Variants in ABTB3 observed in about 807,000 individuals in gnomAD.
ABTB3 encodes the protein ankyrin repeat- and BTB/POZ domain-containing protein 3.
At chr12:107,412,190 A>T in the ABTB3 span, among the ~76,000 whole-genome samples, 1 of 152,170 alleles carries the variant, frequency 6.6e-6, no homozygotes, top group East Asian at 1.9e-4. Flanking sequence ...GACTGTGCTA[A>T]TACTGTCTAT....
At chr12:107,657,790 G>C in the ABTB3 span, 4,472 of 1,516,264 alleles carry the variant, frequency 2.9e-3, 75 homozygotes, top group East Asian at 0.024. Context: ...CACAAACACA[G>C]ACAAATTCCA....
chr12:107,526,840 A>G, the ABTB3 span, among the ~76,000 whole-genome samples: 1 of 152,144 alleles, frequency 6.6e-6, no homozygotes, highest in African/African-American at 2.4e-5. Context: ...TTGCTTGGAC[A>G]AAGTTGTCTT....
chr12:107,620,295 T>A, the ABTB3 span: 1 of 1,233,432 alleles, frequency 8.1e-7, no homozygotes, highest in Admixed American at 2.6e-5. Flanking sequence ...CAGTGGCGAA[T>A]GTAGCCCAGC....
the ABTB3 span, among the ~76,000 whole-genome samples, chr12:107,576,639 G>A: frequency 1.3e-5 from 2 of 152,138 alleles, no homozygotes; most frequent in Non-Finnish European, 2.9e-5. Flanking sequence ...AGGAATTTGG[G>A]GGAACACGGT....
At chr12:107,427,227 C>T in the ABTB3 span, among the ~76,000 whole-genome samples, 1 of 152,086 alleles carries the variant, frequency 6.6e-6, no homozygotes, top group East Asian at 1.9e-4. Context: ...CCACTCCATT[C>T]TCTTCTTCCA....
At chr12:107,467,754 A>G in the ABTB3 span, among the ~76,000 whole-genome samples, 1 of 152,208 alleles carries the variant, frequency 6.6e-6, no homozygotes, top group Non-Finnish European at 1.5e-5. Context: ...TGTCAGAGAC[A>G]GGGACTTTAG....
the ABTB3 span, among the ~76,000 whole-genome samples, chr12:107,597,682 C>A: frequency 2.2e-4 from 33 of 152,324 alleles, no homozygotes; most frequent in East Asian, 6.4e-3. Context: ...TGGCCAGCTG[C>A]CATAACAGAG....
chr12:107,358,676 C>A, the ABTB3 span, among the ~76,000 whole-genome samples: 20 of 152,234 alleles, frequency 1.3e-4, no homozygotes, highest in East Asian at 3.5e-3. Flanking sequence ...CTCACCACAA[C>A]CTCCGCCTCC....
chr12:107,449,403 T>C, the ABTB3 span, among the ~76,000 whole-genome samples: 1 of 152,200 alleles, frequency 6.6e-6, no homozygotes, highest in South Asian at 2.1e-4. Flanking sequence ...TGTCCCAAAA[T>C]GTAGAACTCT....
chr12:107,357,627 T>A, the ABTB3 span, among the ~76,000 whole-genome samples: 1 of 152,036 alleles, frequency 6.6e-6, no homozygotes, highest in Non-Finnish European at 1.5e-5. Flanking sequence ...AATAAAAAAT[T>A]AAAAAATAAA....
the ABTB3 span, among the ~76,000 whole-genome samples, chr12:107,644,875 A>C: frequency 1.3e-5 from 2 of 151,932 alleles, no homozygotes; most frequent in Admixed American, 1.3e-4. Flanking sequence ...GCATAAGTTC[A>C]GGTCTCCAGC....
chr12:107,338,035 T>G, the ABTB3 span, among the ~76,000 whole-genome samples: 1 of 152,228 alleles, frequency 6.6e-6, no homozygotes, highest in Non-Finnish European at 1.5e-5. Context: ...CTAACCTGGT[T>G]TTGTTGTTGG....
chr12:107,557,539 TC>T, the ABTB3 span, among the ~76,000 whole-genome samples: 1 of 152,262 alleles, frequency 6.6e-6, no homozygotes, highest in African/African-American at 2.4e-5. Flanking sequence ...TTAATTTTTT[TC>T]ATGGTTGATT....
chr12:107,432,225 G>A, the ABTB3 span, among the ~76,000 whole-genome samples: 2 of 152,164 alleles, frequency 1.3e-5, no homozygotes, highest in East Asian at 1.9e-4. Context: ...AGGTGATACT[G>A]ACAGTGGAAA....
chr12:107,326,376 G>T, the ABTB3 span, among the ~76,000 whole-genome samples: 1 of 152,016 alleles, frequency 6.6e-6, no homozygotes, highest in Non-Finnish European at 1.5e-5. Flanking sequence ...TATCTTCTAC[G>T]TGTGGCCTTC....
chr12:107,520,515 T>C, the ABTB3 span: 1 of 1,614,144 alleles, frequency 6.2e-7, no homozygotes, highest in African/African-American at 1.3e-5. Context: ...ACAGCCTGAA[T>C]CTTCACAGAG....
At chr12:107,457,531 T>C in the ABTB3 span, among the ~76,000 whole-genome samples, 19 of 152,226 alleles carry the variant, frequency 1.2e-4, no homozygotes, top group Non-Finnish European at 2.4e-4. Flanking sequence ...TTTAATCAAC[T>C]AATGGATGGG....
At chr12:107,533,028 G>A in the ABTB3 span, among the ~76,000 whole-genome samples, 34 of 152,082 alleles carry the variant, frequency 2.2e-4, no homozygotes, top group Non-Finnish European at 4.6e-4. Context: ...ATGCTTAAGG[G>A]AGCCCTACAT....
At chr12:107,638,616 G>T in the ABTB3 span, among the ~76,000 whole-genome samples, 23 of 152,218 alleles carry the variant, frequency 1.5e-4, no homozygotes, top group Non-Finnish European at 2.9e-4. Flanking sequence ...CAGGAGTCAA[G>T]GCGTTCTTTC....
Sources: allele counts gnomAD v4.1 joint callset (sites outside exome capture counted in the v4.1 genomes callset), GRCh38; gene constraint gnomAD v4.1.1; transcripts MANE v1.5; gene names NCBI Gene and HGNC (gene_info 2026-07-23, HGNC 2026-07-21).